Variants in RPIA observed in about 807,000 individuals in gnomAD.
RPIA encodes ribose-5-phosphate isomerase.
In RPIA, 29 loss-of-function variants were observed where a neutral mutation model predicts 37.8. That is an observed-to-expected ratio of 0.77 (90% CI 0.57 to 1.05). RPIA has a LOEUF of 1.05. Ranked by LOEUF, RPIA falls within the 50% of genes least tolerant of loss-of-function variation. The pLI is 0.00. For missense variants in RPIA, 385 were observed against 413.6 expected (o/e 0.93, Z 0.60); for synonymous variants, 167 against 157.0 (o/e 1.06, Z -0.48).
chr2:88,709,902 TTAG>T (rs936420497), intron 3 of RPIA, among the ~76,000 whole-genome samples: 1 of 152,224 alleles, frequency 6.6e-6, no homozygotes, highest in African/African-American at 2.4e-5. Context: ...TGGAAATTCC[TTAG>T]TAGGGGCTCT....
intron 8 of RPIA, among the ~76,000 whole-genome samples, chr2:88,748,729 G>A (rs1673467478): frequency 6.6e-6 from 1 of 151,254 alleles, no homozygotes; most frequent in Non-Finnish European, 1.5e-5. Flanking sequence ...TTCTTTTTTT[G>A]GAGACAGGAT....
At chr2:88,698,138 T>C (rs1672781156) in intron 1 of RPIA, among the ~76,000 whole-genome samples, 1 of 151,892 alleles carries the variant, frequency 6.6e-6, no homozygotes, top group Non-Finnish European at 1.5e-5. Context: ...CAGGAATCTT[T>C]AAGTGTTTAT....
chr2:88,697,190 A>G (rs1672757931), intron 1 of RPIA, among the ~76,000 whole-genome samples: 1 of 152,248 alleles, frequency 6.6e-6, no homozygotes, highest in South Asian at 2.1e-4. Flanking sequence ...CAATACAAGC[A>G]GGTTCCAGCA....
intron 3 of RPIA, 26 bp downstream of exon 3, chr2:88,700,090 G>T: frequency 6.2e-7 from 1 of 1,611,314 alleles, no homozygotes; most frequent in Non-Finnish European, 8.5e-7. Flanking sequence ...CATCTGCATC[G>T]TGACAGCTTC....
rs376202832 is a variant in RPIA, at chr2:88,724,520, G to C, written c.403-4758G>C. 1.9e-3 allele frequency among the ~76,000 whole-genome samples: 296 copies of C among 152,196 alleles called. 2 individuals are homozygous for C. The highest frequency in any genetic ancestry group is 7.0e-3 in the African/African-American group (291 of 41,526). On this transcript the variant is annotated intron_variant, in intron 3 of 8. Transcript: ENST00000283646. ...GATGGGGTTTCACCATGTTGGCAAG[G>C]CTGGTCTCGAACTCCCGACCTCAGG...
At chr2:88,695,593 A>C (rs916742791) in intron 1 of RPIA, among the ~76,000 whole-genome samples, 1 of 152,190 alleles carries the variant, frequency 6.6e-6, no homozygotes, top group Non-Finnish European at 1.5e-5. Context: ...TATATGTGAG[A>C]TATTTAGCCA....
intron 8 of RPIA, among the ~76,000 whole-genome samples, chr2:88,746,851 G>C (rs926747819): frequency 2.0e-5 from 3 of 152,176 alleles, no homozygotes; most frequent in Non-Finnish European, 2.9e-5. Context: ...GGGTTGTTCT[G>C]TTACGAGTTT....
At chr2:88,733,739 A>G (rs1673280020) in intron 4 of RPIA, among the ~76,000 whole-genome samples, 1 of 152,226 alleles carries the variant, frequency 6.6e-6, no homozygotes, top group Non-Finnish European at 1.5e-5. Flanking sequence ...TGCACCATGA[A>G]TAGAATTTGT....
intron 3 of RPIA, among the ~76,000 whole-genome samples, chr2:88,706,198 T>A (rs1672895030): frequency 6.6e-6 from 1 of 152,168 alleles, no homozygotes; most frequent in Non-Finnish European, 1.5e-5. Context: ...GCAATCCCAT[T>A]GCTGAGTATA....
intron 1 of RPIA, among the ~76,000 whole-genome samples, chr2:88,696,964 A>G (rs1672755596): frequency 6.6e-6 from 1 of 152,224 alleles, no homozygotes; most frequent in Non-Finnish European, 1.5e-5. Context: ...TCAAAGCATA[A>G]CAGGAGAAGT....
chr2:88,704,169 A>G lies in RPIA; in HGVS notation c.402+4105A>G, dbSNP rs140398388. Among the ~76,000 whole-genome samples, 179 of 152,024 alleles carry G rather than the reference A, an allele frequency of 1.2e-3. 1 individual carries two copies. Among genetic ancestry groups the G allele is most frequent in the African/African-American group, 4.1e-3 (169 of 41,426 alleles). On this transcript the variant is annotated intron_variant, in intron 3 of 8. Transcript: ENST00000283646. The stretch of plus-strand genomic sequence containing the variant: ...CTTCTGAGCCCTCCAAACTGTTCCA[A>G]CCTCTGCCTGTTACCCAGTTCTAAA...
At chr2:88,700,387 A>G (rs1000051882) in intron 3 of RPIA, among the ~76,000 whole-genome samples, 3 of 152,188 alleles carry the variant, frequency 2.0e-5, no homozygotes, top group Non-Finnish European at 2.9e-5. Flanking sequence ...GTGGTGGCTC[A>G]TGCCTGTAAT....
chr2:88,696,934 G>A (rs536781911), intron 1 of RPIA, among the ~76,000 whole-genome samples: 5 of 152,142 alleles, frequency 3.3e-5, no homozygotes, highest in Admixed American at 1.3e-4. Context: ...AAATTTCAAC[G>A]TGAGTTTTGG....
intron 3 of RPIA, among the ~76,000 whole-genome samples, chr2:88,724,797 A>T (rs1673176702): frequency 6.6e-6 from 1 of 152,190 alleles, no homozygotes; most frequent in African/African-American, 2.4e-5. Context: ...GAAAGCCAGA[A>T]CTGGTTTAAA....
intron 1 of RPIA, among the ~76,000 whole-genome samples, chr2:88,695,024 C>G (rs147216218): frequency 2.2e-4 from 33 of 150,656 alleles, no homozygotes; most frequent in Middle Eastern, 3.4e-3. Flanking sequence ...CTCGAGAGGA[C>G]AGGGTTTGGA....
At chr2:88,734,394 G>C (rs1287107802) in intron 4 of RPIA, among the ~76,000 whole-genome samples, 158 bp from the exon 5 acceptor site, 1 of 152,148 alleles carries the variant, frequency 6.6e-6, no homozygotes, top group African/African-American at 2.4e-5. Flanking sequence ...TAGTGGAGCA[G>C]CTTAACCTCT....
At chr2:88,735,364 A>G (rs1673302514) in intron 5 of RPIA, among the ~76,000 whole-genome samples, 1 of 152,170 alleles carries the variant, frequency 6.6e-6, no homozygotes, top group African/African-American at 2.4e-5. Flanking sequence ...CCTCCCATTC[A>G]TGCCATGTCC....
chr2:88,715,731 G>A (rs909804707), intron 3 of RPIA, among the ~76,000 whole-genome samples: 11 of 152,264 alleles, frequency 7.2e-5, no homozygotes, highest in Admixed American at 2.0e-4. Context: ...ACTGGCCTAG[G>A]TTTTTTGTTT....
intron 2 of RPIA, among the ~76,000 whole-genome samples, chr2:88,698,988 T>G (rs1672794785): frequency 2.0e-5 from 3 of 152,222 alleles, no homozygotes; most frequent in African/African-American, 7.2e-5. Flanking sequence ...CATTTCACAC[T>G]GATTAGGGTG....
Sources: gnomAD v4.1 joint callset for allele counts (sites outside exome capture counted in the v4.1 genomes callset) on GRCh38, gnomAD v4.1.1 for gene constraint, MANE v1.5 for transcripts, NCBI Gene and HGNC (gene_info 2026-07-23, HGNC 2026-07-21) for gene names.